IGF1R: variants seen among roughly 807,000 people sequenced by gnomAD.
IGF1R encodes the protein insulin-like growth factor 1 receptor.
IGF1R carries 44 observed loss-of-function variants against 144.6 expected under a neutral mutation model. The ratio of observed to expected loss-of-function variants is 0.30; its 90% CI spans 0.24 to 0.39. The LOEUF (loss-of-function observed/expected upper bound fraction) is 0.39, where lower values mean the gene tolerates loss of function less well. Among genes scored for constraint, IGF1R ranks in the 10% least tolerant of loss-of-function variants. The pLI, the probability that IGF1R is intolerant of heterozygous loss-of-function variation, is 1.00. For missense variants in IGF1R, 1,355 were observed against 1,833.7 expected, an observed-to-expected ratio of 0.74 and a Z score of 4.77; for synonymous variants, 795 against 722.8, an observed-to-expected ratio of 1.10 and a Z score of -1.60.
At chr15:98,825,689 G>T (rs1404476095) in intron 2 of IGF1R, among the ~76,000 whole-genome samples, 3 of 152,222 alleles carry the variant, frequency 2.0e-5, no homozygotes, top group Admixed American at 6.5e-5. Context: ...GTGCCAAAAA[G>T]GTTGGGGACC....
intron 2 of IGF1R, among the ~76,000 whole-genome samples, chr15:98,803,760 C>T (rs2056413339): frequency 6.6e-6 from 1 of 152,142 alleles, no homozygotes; most frequent in Admixed American, 6.5e-5. Flanking sequence ...CCCGCCTCGG[C>T]CTCCCAAAGC....
At chr15:98,772,055 T>C (rs1000388601) in intron 2 of IGF1R, among the ~76,000 whole-genome samples, 1 of 152,100 alleles carries the variant, frequency 6.6e-6, no homozygotes, top group African/African-American at 2.4e-5. Flanking sequence ...ATACATCCCT[T>C]AAGTTCTCAT....
At chr15:98,703,153 T>G (rs2053777313) in intron 1 of IGF1R, among the ~76,000 whole-genome samples, 1 of 152,080 alleles carries the variant, frequency 6.6e-6, no homozygotes, top group Admixed American at 6.5e-5. Context: ...TCCCTGCTTG[T>G]CTTATTCTTT....
rs2016706771 is a variant in IGF1R at position 98,949,871 on chromosome 15, G to A, written c.3722+1163G>A. ...TGGCTCAGTGGAGGTCAGAGCTGCTGGAGCAGGGAGGCCTTGTTGTCCTTC... is the reference window on the plus strand; with the variant it reads ...TGGCTCAGTGGAGGTCAGAGCTGCTAGAGCAGGGAGGCCTTGTTGTCCTTC... On this transcript the variant is annotated intron_variant, in intron 20 of 20. Coordinates refer to ENST00000650285, the MANE Select transcript of IGF1R (RefSeq NM_000875.5). 7.2e-5 allele frequency among the ~76,000 whole-genome samples: 11 copies of A among 152,138 alleles called. No individual in the cohort carries two copies. In the South Asian group the frequency reaches 2.3e-3, roughly 32 times the overall value.
rs78699919 is a variant in IGF1R, at chr15:98,879,616, G to A, written c.641-11709G>A. ...GTTGATTTGATAGCGTTACCAAATC[G>A]TTTTTCCTTTAGAATGAATCTAGAA... On this transcript the variant is annotated intron_variant, in intron 2 of 20. Coordinates refer to ENST00000650285, the MANE Select transcript of IGF1R (RefSeq NM_000875.5). Among the ~76,000 whole-genome samples the A allele has an allele frequency of 1.1e-3, 169 of 152,168 alleles. 2 individuals are homozygous for A. The East Asian group carries it at 0.029, about 26-fold the overall frequency.
At chr15:98,943,097 C>T (rs762088115) in intron 19 of IGF1R, 45 bp downstream of exon 19, 2 of 1,610,474 alleles carry the variant, frequency 1.2e-6, no homozygotes, top group South Asian at 2.2e-5. Flanking sequence ...CCCCCAGCCT[C>T]TGCACTTTCC....
intron 18 of IGF1R, among the ~76,000 whole-genome samples, chr15:98,939,937 C>T (rs1178863578): frequency 6.6e-6 from 1 of 152,200 alleles, no homozygotes; most frequent in Non-Finnish European, 1.5e-5. Context: ...ACCACTCTCT[C>T]ACAACACTTA....
At position 98,935,286 on chromosome 15, in the gene IGF1R, C is replaced by G. The variant is rs1268743546; in HGVS notation, c.3187-30C>G. 6.9e-7 allele frequency: 1 copy of G among 1,451,900 alleles called. No homozygotes were observed. The highest frequency in any genetic ancestry group is 1.4e-5 in the African/African-American group (1 of 70,856). The allele number at this position is 1,451,900 out of a possible 1,614,324, so 89.9% of individuals were successfully genotyped here. A position where few individuals can be genotyped will look rare whatever the true frequency, so the allele number is the denominator to read the frequency against. ...GCATCAGCAAGGGCCACCTGACCCTCTGAGTCTTTCTCTTTTTGATTCCTC... is the reference window on the plus strand; with the variant it reads ...GCATCAGCAAGGGCCACCTGACCCTGTGAGTCTTTCTCTTTTTGATTCCTC... On this transcript the variant is annotated intron_variant, in intron 16 of 20. Coordinates refer to ENST00000650285, the MANE Select transcript of IGF1R (RefSeq NM_000875.5). The surrounding 1 kb of genome is among the most constrained non-coding windows in gnomAD (Gnocchi z 4.2).
At chr15:98,915,939 G>T (rs778741771) in intron 8 of IGF1R, 25 bp from the exon 9 acceptor site, 2 of 1,611,600 alleles carry the variant, frequency 1.2e-6, no homozygotes, top group East Asian at 4.5e-5. Context: ...TCATTTTCTA[G>T]AATGTTCTTT....
chr15:98,878,741 C>T (rs1160493875), intron 2 of IGF1R, among the ~76,000 whole-genome samples: 1 of 149,686 alleles, frequency 6.7e-6, no homozygotes, highest in African/African-American at 2.5e-5. Context: ...ACCTATAATC[C>T]CAGCACCTTG....
rs114651696 is a variant in IGF1R at position 98,680,722 on chromosome 15, C to A, written c.95-26840C>A. On this transcript the variant is annotated intron_variant, in intron 1 of 20. Transcript: ENST00000650285. ...CTAGAACTACAGGCTCATGCCACCA[C>A]ACTTGGCTAATTTTTGTTTTTTAAT... is the stretch of plus-strand genomic sequence containing the variant. 9.9e-3 allele frequency among the ~76,000 whole-genome samples: 1,512 copies of A among 152,216 alleles called. 31 individuals carry two copies. Among genetic ancestry groups the A allele is most frequent in the African/African-American group, 0.034 (1,413 of 41,520 alleles).
intron 2 of IGF1R, among the ~76,000 whole-genome samples, chr15:98,834,787 G>A (rs552132631): frequency 1.3e-5 from 2 of 152,148 alleles, no homozygotes; most frequent in African/African-American, 4.8e-5. Context: ...TTGGGAGATG[G>A]CATTTAGGGC....
intron 2 of IGF1R, among the ~76,000 whole-genome samples, chr15:98,805,447 T>C (rs1418151356): frequency 1.3e-5 from 2 of 152,190 alleles, no homozygotes; most frequent in African/African-American, 4.8e-5. Context: ...AATGGCATGC[T>C]GCGTTTTAAT....
intron 6 of IGF1R, 131 bp from the exon 7 acceptor site, chr15:98,911,184 C>G (rs943464988): frequency 1.0e-6 from 1 of 988,470 alleles, no homozygotes; most frequent in African/African-American, 1.6e-5. Context: ...GAGAAAGCCA[C>G]TGAGGAAGCC....
intron 17 of IGF1R, among the ~76,000 whole-genome samples, chr15:98,937,173 G>A (rs926400359): frequency 6.6e-6 from 1 of 152,128 alleles, no homozygotes; most frequent in African/African-American, 2.4e-5. Context: ...GGTGTGAGCC[G>A]CTGCGCCTGG....
At chr15:98,757,025 A>G (rs1465531926) in intron 2 of IGF1R, among the ~76,000 whole-genome samples, 1 of 152,250 alleles carries the variant, frequency 6.6e-6, no homozygotes, top group Non-Finnish European at 1.5e-5. Flanking sequence ...GTGGACATTA[A>G]AAAATTATGC....
chr15:98,760,058 G>A (rs1046237877), intron 2 of IGF1R, among the ~76,000 whole-genome samples: 9 of 152,062 alleles, frequency 5.9e-5, no homozygotes, highest in Non-Finnish European at 1.3e-4. Context: ...TTGAGCATCT[G>A]ACTGGGCGCG....
Position 98,891,313 on chromosome 15 carries a change from C to T in IGF1R, c.641-12C>T, listed in dbSNP as rs373913363. The T allele has an allele frequency of 4.4e-6, 7 of 1,604,310 alleles. No individual in the cohort carries two copies. The highest frequency in any genetic ancestry group is 1.7e-4 in the Middle Eastern group (1 of 5,916). On this transcript the variant is annotated splice_polypyrimidine_tract_variant and intron_variant, in intron 2 of 20. Coordinates refer to ENST00000650285, the MANE Select transcript of IGF1R (RefSeq NM_000875.5). This position sits in a 1 kb window ranked among gnomAD's most constrained non-coding sequence, Gnocchi z 4.7. ...GCCCGGTCTCATCTCCGTCTCTCCTCTCTCTCCACAGTGTGCCCAAGCACG... is the reference window on the plus strand; with the variant it reads ...GCCCGGTCTCATCTCCGTCTCTCCTTTCTCTCCACAGTGTGCCCAAGCACG...
rs1273084063 is a variant in IGF1R at position 98,704,495 on chromosome 15, G to C, written c.95-3067G>C. ...TGGGACAGGGACGGACCGTGAGGAG[G>C]CTGGATCATGGGGAATGTGTTGCTT... On this transcript the variant is annotated intron_variant, in intron 1 of 20. Transcript: ENST00000650285. This position sits in a 1 kb window ranked among gnomAD's most constrained non-coding sequence, Gnocchi z 4.9. 2.0e-5 allele frequency among the ~76,000 whole-genome samples: 3 copies of C among 152,150 alleles called. No homozygotes were observed. Among genetic ancestry groups the C allele is most frequent in the African/African-American group, 7.2e-5 (3 of 41,434 alleles).
Sources: gnomAD v4.1 joint callset for allele counts (sites outside exome capture counted in the v4.1 genomes callset) on GRCh38, gnomAD v4.1.1 for gene constraint, Gnocchi (gnomAD v3.1) non-coding constraint, MANE v1.5 for transcripts, NCBI Gene and HGNC (gene_info 2026-07-23, HGNC 2026-07-21) for gene names.